The following NOS2 variants were observed in gnomAD, a reference collection of about 807,000 sequenced individuals.
NOS2 encodes the protein nitric oxide synthase, inducible.
Under a neutral mutation model 136.0 loss-of-function variants are expected in NOS2, and 96 were observed. The observed-to-expected ratio is 0.71, with a 90% CI of 0.60 to 0.84. NOS2 has a LOEUF of 0.84. Among genes scored for constraint, NOS2 ranks in the 40% least tolerant of loss-of-function variants. The pLI is 0.00. For missense variants in NOS2, 1,237 were observed against 1,496.9 expected, an observed-to-expected ratio of 0.83 and a Z score of 2.87; for synonymous variants, 539 against 587.5, an observed-to-expected ratio of 0.92 and a Z score of 1.20.
At chr17:27,766,158 G>A (rs1397945067) in intron 19 of NOS2, among the ~76,000 whole-genome samples, 2 of 152,196 alleles carry the variant, frequency 1.3e-5, no homozygotes, top group Non-Finnish European at 2.9e-5. Flanking sequence ...TCCCAGAGCT[G>A]GGAAATTTCC....
At chr17:27,767,133 AT>A (rs1908330525) in intron 18 of NOS2, among the ~76,000 whole-genome samples, 1 of 151,862 alleles carries the variant, frequency 6.6e-6, no homozygotes, top group African/African-American at 2.4e-5. Flanking sequence ...ATGGCTTGGG[AT>A]CCACAGGAGA....
rs976252980 is a variant in NOS2 at position 27,793,832 on chromosome 17, C to G, written c.111-4144G>C. ...CGGGGGCTCTTCACCCACGCGATGTCCCGGGCCGAGCTGCCCCTCCTTCCC... is the reference window on the plus strand; with the variant it reads ...CGGGGGCTCTTCACCCACGCGATGTGCCGGGCCGAGCTGCCCCTCCTTCCC... On this transcript the variant is annotated intron_variant, in intron 2 of 26. Coordinates refer to ENST00000313735, the MANE Select transcript of NOS2 (RefSeq NM_000625.4). 11 of 371,616 alleles carry G rather than the reference C, an allele frequency of 3.0e-5. No homozygotes were observed. The South Asian group carries it at 1.5e-3, about 49-fold the overall frequency. The allele number at this position is 371,616 out of a possible 1,614,324, so 23.0% of individuals were successfully genotyped here. A position where few individuals can be genotyped will look rare whatever the true frequency, so the allele number is the denominator to read the frequency against.
intron 26 of NOS2, among the ~76,000 whole-genome samples, chr17:27,758,278 T>C (rs1907992826): frequency 6.6e-6 from 1 of 152,196 alleles, no homozygotes; most frequent in Non-Finnish European, 1.5e-5. Flanking sequence ...CTCTAGGCTC[T>C]CACATTTACT....
At chr17:27,790,229 G>A (rs1280557017) in intron 2 of NOS2, among the ~76,000 whole-genome samples, 1 of 152,156 alleles carries the variant, frequency 6.6e-6, no homozygotes, top group East Asian at 1.9e-4. Flanking sequence ...GGGTAGCTGG[G>A]ACTACAGGCG....
intron 5 of NOS2, among the ~76,000 whole-genome samples, chr17:27,786,277 T>C (rs752309277): frequency 5.3e-5 from 8 of 151,062 alleles, no homozygotes; most frequent in Non-Finnish European, 1.0e-4. Flanking sequence ...AAAAAAAAAA[T>C]TAGCCAGGTG....
chr17:27,759,192 C>T (rs533529982), intron 25 of NOS2, 117 bp from the exon 26 acceptor site: 1 of 670,090 alleles, frequency 1.5e-6, no homozygotes, highest in South Asian at 2.2e-5. Flanking sequence ...GGAGTGAGTC[C>T]CCTTCCAGCC....
chr17:27,798,644 G>T (rs573077827), intron 2 of NOS2, 56 bp downstream of exon 2: 1 of 1,071,868 alleles, frequency 9.3e-7, no homozygotes, highest in African/African-American at 1.5e-5. Flanking sequence ...CATCGGTGCC[G>T]ACAGGGCATG....
At position 27,773,145 on chromosome 17, in the gene NOS2, T is replaced by A; in HGVS notation, c.1559+16A>T. 1 of 1,599,626 alleles carries A rather than the reference T, an allele frequency of 6.3e-7. No homozygotes were observed. Among genetic ancestry groups the A allele is most frequent in the Non-Finnish European group, 8.6e-7 (1 of 1,166,746 alleles). ...TAGTTCACACATCACTACTAGCCAC[T>A]GCCACTGCCACTCACTTGACCAAGA... is the stretch of plus-strand genomic sequence containing the variant. On this transcript the variant is annotated intron_variant, in intron 13 of 26. Transcript: ENST00000313735.
At chr17:27,779,160 T>C in intron 9 of NOS2, 104 bp from the exon 10 acceptor site, 1 of 840,406 alleles carries the variant, frequency 1.2e-6, no homozygotes, top group Non-Finnish European at 1.6e-6. Flanking sequence ...CATGCTGGAG[T>C]GCAGTGCAGT....
rs1289255515 is a variant in NOS2 at position 27,761,239 on chromosome 17, G to C, written c.2801-8C>G. 3.7e-6 allele frequency: 6 copies of C among 1,600,856 alleles called. No individual in the cohort carries two copies. In the African/African-American group the frequency reaches 6.7e-5, roughly 18 times the overall value. On this transcript the variant is annotated splice_region_variant and splice_polypyrimidine_tract_variant and intron_variant, in intron 22 of 26. Transcript: ENST00000313735. ...GCAGGGGACCCTGGCCATCTGCAAC[G>C]ATACCACAAAGTGACCAACGTCCCC...
chr17:27,782,118 C>T lies in NOS2; in HGVS notation c.631-12G>A. Reference sequence around the variant, plus strand: ...CGGGCATCGAAGACCTGCAACAGCCCATCCAGACCATGCCCATCAAAGACT... The same window carrying T: ...CGGGCATCGAAGACCTGCAACAGCCTATCCAGACCATGCCCATCAAAGACT... On this transcript the variant is annotated splice_polypyrimidine_tract_variant and intron_variant, in intron 6 of 26. Transcript: ENST00000313735. 6.2e-7 allele frequency: 1 copy of T among 1,612,682 alleles called. No homozygotes were observed. The highest frequency in any genetic ancestry group is 1.1e-5 in the South Asian group (1 of 90,736).
Position 27,782,032 on chromosome 17 carries a change from G to A in NOS2, c.705C>T (p.Thr235=). Residue 235 remains threonine (T), a synonymous_variant, in exon 7 of 27, where the codon ACC becomes ACT. Coordinates refer to ENST00000313735, the MANE Select transcript of NOS2 (RefSeq NM_000625.4). The part of the protein sequence containing the change: ...EHICRHVRYS[T]NNGNIRSAIT... ...GCACCGACCTGATGTTGCCATTGTT[G>A]GTGGAGTAACGCACGTGTCTGCAGA... 6.2e-7 allele frequency: 1 copy of A among 1,614,114 alleles called. No individual in the cohort carries two copies. Among genetic ancestry groups the A allele is most frequent in the Non-Finnish European group, 8.5e-7 (1 of 1,180,016 alleles).
chr17:27,759,141 G>GC, intron 25 of NOS2, 66 bp from the exon 26 acceptor site: 1 of 1,255,198 alleles, frequency 8.0e-7, no homozygotes, highest in Non-Finnish European at 1.1e-6. Context: ...AGGCAGGCCT[G>GC]CTGGCCTCAA....
At chr17:27,776,610 T>C (rs1597551522) in intron 11 of NOS2, among the ~76,000 whole-genome samples, 1 of 143,892 alleles carries the variant, frequency 6.9e-6, no homozygotes, top group Admixed American at 7.0e-5. Context: ...GAGGCGGAGG[T>C]TGCAGTGAGC....
At chr17:27,763,773 C>A (rs1253268897) in intron 21 of NOS2, among the ~76,000 whole-genome samples, 1 of 151,892 alleles carries the variant, frequency 6.6e-6, no homozygotes, top group Non-Finnish European at 1.5e-5. Context: ...ATCCTGCAGA[C>A]ACTTGGAAAA....
chr17:27,766,622 G>A, intron 18 of NOS2, 34 bp from the exon 19 acceptor site: 3 of 1,583,784 alleles, frequency 1.9e-6, no homozygotes, highest in Non-Finnish European at 2.6e-6. Context: ...AAATGGCAAA[G>A]TGGTTCTTGA....
intron 9 of NOS2, among the ~76,000 whole-genome samples, chr17:27,780,117 C>A (rs1175315125): frequency 6.6e-6 from 1 of 152,150 alleles, no homozygotes; most frequent in Non-Finnish European, 1.5e-5. Flanking sequence ...GGTCAGAGAG[C>A]CTTCTCAGAG....
Position 27,769,069 on chromosome 17 carries a change from G to A in NOS2, c.1942C>T (p.Leu648=), listed in dbSNP as rs530454932. 8 of 1,612,716 alleles carry A rather than the reference G, an allele frequency of 5.0e-6. No individual in the cohort carries two copies. In the Admixed American group the frequency reaches 6.7e-5, roughly 13 times the overall value. The change falls in exon 17 of 27, where the codon CTG becomes TTG. Residue 648 remains leucine (L), a synonymous_variant. Transcript: ENST00000313735. ...AHDIDQKLSH[L]GASQLTPMGE... is the part of the protein sequence containing the mutation. ...ATCGGGGTGAGCTGAGAGGCCCCCA[G>A]GTGGGACAGCTTCTGATCAATGTCA...
Position 27,757,344 on chromosome 17 carries a change from G to A in NOS2, c.3364C>T (p.Arg1122Cys), listed in dbSNP as rs1246671724. ...GCACCAAAGATATCTTCGTGATAGCGCTTCTGGCTCTTTTAGGTAAAAACA... is the reference window on the plus strand; with the variant it reads ...GCACCAAAGATATCTTCGTGATAGCACTTCTGGCTCTTTTAGGTAAAAACA... ...DYFFQLKSQK[R>C]YHEDIFGAVF... is the part of the protein sequence containing the mutation. The change falls in exon 27 of 27, where the codon CGC (arginine) becomes TGC (cysteine). Residue 1122 changes from arginine (R) to cysteine (C), a missense_variant. By Grantham distance (180) the Arg-to-Cys change is radical (BLOSUM62 -3). Transcript: ENST00000313735. The A allele has an allele frequency of 5.0e-6, 8 of 1,613,722 alleles. No homozygotes were observed. Among genetic ancestry groups the A allele is most frequent in the African/African-American group, 1.3e-5 (1 of 74,908 alleles).
Sources: gnomAD v4.1 joint callset for allele counts (sites outside exome capture counted in the v4.1 genomes callset) on GRCh38, gnomAD v4.1.1 for gene constraint, MANE v1.5 for transcripts, NCBI Gene and HGNC (gene_info 2026-07-23, HGNC 2026-07-21) for gene names.